Variants in HCN1 observed in about 807,000 individuals in gnomAD.
HCN1 encodes the protein potassium/sodium hyperpolarization-activated cyclic nucleotide-gated channel 1.
A neutral mutation model predicts 78.9 loss-of-function variants in HCN1; 13 were observed. That is an observed-to-expected ratio of 0.16 (90% CI 0.11 to 0.26). HCN1 has a LOEUF of 0.26. Ranked by LOEUF, HCN1 falls within the 10% of genes least tolerant of loss-of-function variation. The pLI is 1.00. For missense variants in HCN1, 810 were observed against 1,154.3 expected, an observed-to-expected ratio of 0.70 and a Z score of 4.32; for synonymous variants, 552 against 455.5, an observed-to-expected ratio of 1.21 and a Z score of -2.70.
rs148412684 is a variant in HCN1 at position 45,469,784 on chromosome 5, AGTGT to A, written c.850-7781_850-7778del. Among the ~76,000 whole-genome samples the A allele has an allele frequency of 6.1e-4, 91 of 148,726 alleles. 1 individual carries two copies. Among genetic ancestry groups the A allele is most frequent in the Admixed American group, 2.4e-3 (35 of 14,852 alleles). On this transcript the variant is annotated intron_variant, in intron 2 of 7. Coordinates refer to ENST00000303230, the MANE Select transcript of HCN1 (RefSeq NM_021072.4). ...TAATTAAAAATCCTAATTATAAAGGAGTGTGTGTGTGTGTGTGTGTGTGTTTGTG... is the reference window on the plus strand; with the variant it reads ...TAATTAAAAATCCTAATTATAAAGGAGTGTGTGTGTGTGTGTGTGTTTGTG...
At chr5:45,504,727 G>C (rs983079980) in intron 2 of HCN1, among the ~76,000 whole-genome samples, 9 of 152,254 alleles carry the variant, frequency 5.9e-5, no homozygotes, top group Non-Finnish European at 1.2e-4. Flanking sequence ...CAGTGTAAAA[G>C]TGTTCCTATT....
chr5:45,498,610 T>A (rs1354008295), intron 2 of HCN1, among the ~76,000 whole-genome samples: 4 of 152,214 alleles, frequency 2.6e-5, no homozygotes, highest in African/African-American at 9.6e-5. Flanking sequence ...CCGTCCAGCT[T>A]CCTTCCGTTG....
At chr5:45,561,359 T>G (rs566583953) in intron 2 of HCN1, among the ~76,000 whole-genome samples, 99 of 152,174 alleles carry the variant, frequency 6.5e-4, no homozygotes, top group Admixed American at 2.6e-3. Context: ...CCAATTCATC[T>G]TAAACAAATG....
At chr5:45,375,110 A>G (rs1747579154) in intron 4 of HCN1, among the ~76,000 whole-genome samples, 1 of 122,808 alleles carries the variant, frequency 8.1e-6, no homozygotes. Flanking sequence ...ATTTTATAAT[A>G]TATAATATAT....
At chr5:45,589,263 G>C (rs1744306829) in intron 2 of HCN1, among the ~76,000 whole-genome samples, 3 of 152,176 alleles carry the variant, frequency 2.0e-5, no homozygotes, top group Non-Finnish European at 2.9e-5. Flanking sequence ...AAGAGAATAT[G>C]ATTAAAAAAT....
rs892880586 is a variant in HCN1 at position 45,256,775 on chromosome 5, A to T, written c.*5146T>A. On this transcript the variant is annotated 3_prime_UTR_variant, in exon 8 of 8. Coordinates refer to ENST00000303230, the MANE Select transcript of HCN1 (RefSeq NM_021072.4). ...TTCCTTGTAGAGACCAGGTCTTGAC[A>T]TGCTGCCCTGGTTGGTCTCCAATTC... 2.6e-5 allele frequency: 4 copies of T among 152,522 alleles called. No homozygotes were observed. The highest frequency in any genetic ancestry group is 9.6e-5 in the African/African-American group (4 of 41,462). The allele number at this position is 152,522 out of a possible 1,614,324, so 9.4% of individuals were successfully genotyped here.
intron 2 of HCN1, among the ~76,000 whole-genome samples, chr5:45,499,726 T>TA (rs1742150171): frequency 6.6e-6 from 1 of 152,210 alleles, no homozygotes; most frequent in Non-Finnish European, 1.5e-5. Flanking sequence ...ACACTATACA[T>TA]GACACTGACA....
intron 3 of HCN1, among the ~76,000 whole-genome samples, chr5:45,457,725 C>T (rs1410972087): frequency 2.6e-5 from 4 of 152,120 alleles, no homozygotes; most frequent in Non-Finnish European, 4.4e-5. Flanking sequence ...GAGGGCCTTT[C>T]GGCTGTCCCC....
chr5:45,597,904 A>G (rs1234251319), intron 2 of HCN1, among the ~76,000 whole-genome samples: 4 of 152,134 alleles, frequency 2.6e-5, no homozygotes, highest in South Asian at 2.1e-4. Context: ...ACTGCTCAAC[A>G]AAATAAAAGA....
At chr5:45,378,768 C>T (rs571366279) in intron 4 of HCN1, among the ~76,000 whole-genome samples, 1 of 152,088 alleles carries the variant, frequency 6.6e-6, no homozygotes, top group African/African-American at 2.4e-5. Flanking sequence ...GCTATCCCTC[C>T]CCCAGCCCCT....
At chr5:45,429,943 A>C (rs1326369195) in intron 3 of HCN1, among the ~76,000 whole-genome samples, 2 of 152,132 alleles carry the variant, frequency 1.3e-5, no homozygotes, top group Non-Finnish European at 2.9e-5. Context: ...TACAGTAATG[A>C]TATCAAAGAT....
chr5:45,451,381 AGAAT>A (rs1279122335), intron 3 of HCN1, among the ~76,000 whole-genome samples: 1 of 152,104 alleles, frequency 6.6e-6, no homozygotes, highest in Admixed American at 6.5e-5. Context: ...GCCCCTCAGG[AGAAT>A]GATTTCCATT....
At chr5:45,376,249 A>ATTC (rs1287569721) in intron 4 of HCN1, among the ~76,000 whole-genome samples, 1 of 135,632 alleles carries the variant, frequency 7.4e-6, no homozygotes, top group Non-Finnish European at 1.6e-5. Flanking sequence ...TATATTCTAT[A>ATTC]TAGAATATAG....
chr5:45,517,362 C>A (rs893691333), intron 2 of HCN1, among the ~76,000 whole-genome samples: 1 of 151,510 alleles, frequency 6.6e-6, no homozygotes, highest in Admixed American at 6.6e-5. Flanking sequence ...TTCCTTTGAT[C>A]CCCACGCTAT....
intron 5 of HCN1, among the ~76,000 whole-genome samples, chr5:45,314,878 T>C (rs1037917001): frequency 2.0e-5 from 3 of 152,174 alleles, no homozygotes; most frequent in African/African-American, 7.2e-5. Context: ...CCTAAATATA[T>C]ATGCACCCAA....
At chr5:45,320,512 C>G in intron 5 of HCN1, among the ~76,000 whole-genome samples, 1 of 151,752 alleles carries the variant, frequency 6.6e-6, no homozygotes, top group East Asian at 1.9e-4. Flanking sequence ...AATCCTATGT[C>G]TTAGGTAGTA....
Position 45,353,193 on chromosome 5 carries a change from A to G in HCN1, c.1284T>C (p.Arg428=). The G allele has an allele frequency of 6.2e-7, 1 of 1,608,876 alleles. No homozygotes were observed. Among genetic ancestry groups the G allele is most frequent in the Non-Finnish European group, 8.5e-7 (1 of 1,175,702 alleles). ...MSFHKLPADM[R]QKIHDYYEHR... Reference sequence around the variant, plus strand: ...GTTCATAGTAATCATGTATCTTCTGACGCATATCAGCTGGTAACTTATGGA... The same window carrying G: ...GTTCATAGTAATCATGTATCTTCTGGCGCATATCAGCTGGTAACTTATGGA... The change falls in exon 5 of 8, where the codon CGT becomes CGC. Residue 428 remains arginine, a synonymous_variant. Coordinates refer to ENST00000303230, the MANE Select transcript of HCN1 (RefSeq NM_021072.4).
intron 3 of HCN1, among the ~76,000 whole-genome samples, chr5:45,419,278 T>C (rs1050446368): frequency 2.6e-5 from 4 of 152,098 alleles, no homozygotes; most frequent in Non-Finnish European, 1.5e-5. Flanking sequence ...TACCAGCAAG[T>C]AGCTAATGAG....
intron 2 of HCN1, among the ~76,000 whole-genome samples, chr5:45,599,549 A>G (rs1744580062): frequency 6.6e-6 from 1 of 152,156 alleles, no homozygotes; most frequent in Non-Finnish European, 1.5e-5. Context: ...TTAAAAAGAT[A>G]AAGTCACCTC....
Sources: gnomAD v4.1 joint callset for allele counts (sites outside exome capture counted in the v4.1 genomes callset) on GRCh38, gnomAD v4.1.1 for gene constraint, MANE v1.5 for transcripts, NCBI Gene and HGNC (gene_info 2026-07-23, HGNC 2026-07-21) for gene names.